Variants in BCAS3 observed in about 807,000 individuals in gnomAD.
The protein encoded by BCAS3 is BCAS3 microtubule associated cell migration factor, also known as BCAS4/BCAS3 fusion.
In BCAS3, 53 loss-of-function variants were observed where a neutral mutation model predicts 116.1. The observed-to-expected ratio is 0.46, with a 90% CI of 0.37 to 0.57. The LOEUF is 0.57. Among genes scored for constraint, BCAS3 ranks in the 20% least tolerant of loss-of-function variants. The pLI is 0.00. For missense variants in BCAS3, 917 were observed against 1,165.4 expected, an observed-to-expected ratio of 0.79 and a Z score of 3.10; for synonymous variants, 391 against 408.2, an observed-to-expected ratio of 0.96 and a Z score of 0.51.
chr17:61,387,457 G>T lies in BCAS3; in HGVS notation c.2594-4520G>T, dbSNP rs2059915489. Among the ~76,000 whole-genome samples the T allele has an allele frequency of 6.6e-6, 1 of 152,216 alleles. No individual in the cohort carries two copies. Among genetic ancestry groups the T allele is most frequent in the Non-Finnish European group, 1.5e-5 (1 of 68,038 alleles). ...TTGGATGGGCTCCATATGGAGTGGG[G>T]CAGCATGAGGATCCAGCTTGCTTTT... On this transcript the variant is annotated intron_variant, in intron 23 of 23. Transcript: ENST00000407086. This position sits in a 1 kb window ranked among gnomAD's most constrained non-coding sequence, Gnocchi z 6.2.
At chr17:60,911,590 G>A (rs548739858) in intron 12 of BCAS3, among the ~76,000 whole-genome samples, 3 of 152,214 alleles carry the variant, frequency 2.0e-5, no homozygotes, top group Admixed American at 2.0e-4. Context: ...GAGCCACCGC[G>A]CCCAGCCTTA....
rs2076670980 is a variant in BCAS3, at chr17:61,136,888, G to A, written c.2425+52324G>A. On this transcript the variant is annotated intron_variant, in intron 22 of 23. Transcript: ENST00000407086. The surrounding 1 kb of genome is among the most constrained non-coding windows in gnomAD (Gnocchi z 4.4). ...GTCCCCATTTAAGAACCACTACCCTGGAAACCAGCAGTAACCAGACCCTGG... is the reference window on the plus strand; with the variant it reads ...GTCCCCATTTAAGAACCACTACCCTAGAAACCAGCAGTAACCAGACCCTGG... Among the ~76,000 whole-genome samples the A allele has an allele frequency of 6.6e-6, 1 of 152,028 alleles. No individual in the cohort carries two copies. Among genetic ancestry groups the A allele is most frequent in the East Asian group, 1.9e-4 (1 of 5,184 alleles).
At chr17:60,693,859 T>C (rs1209068396) in intron 4 of BCAS3, among the ~76,000 whole-genome samples, 1 of 151,154 alleles carries the variant, frequency 6.6e-6, no homozygotes, top group Non-Finnish European at 1.5e-5. Flanking sequence ...GCATAAAATT[T>C]ACCATTTTAA....
At chr17:60,986,461 G>A (rs891940960) in intron 14 of BCAS3, among the ~76,000 whole-genome samples, 7 of 152,298 alleles carry the variant, frequency 4.6e-5, no homozygotes, top group African/African-American at 1.7e-4. Flanking sequence ...CCCACCAATA[G>A]TGTATGAGGG....
chr17:60,682,572 G>C (rs541003228), intron 2 of BCAS3, among the ~76,000 whole-genome samples: 2 of 152,198 alleles, frequency 1.3e-5, no homozygotes, highest in South Asian at 4.2e-4. Context: ...GCCCAAGCTG[G>C]AGTGCAGTGG....
Position 61,198,392 on chromosome 17 carries a change from G to A in BCAS3, c.2425+113828G>A, listed in dbSNP as rs1385850527. Among the ~76,000 whole-genome samples the A allele has an allele frequency of 1.3e-5, 2 of 152,034 alleles. No individual in the cohort carries two copies. Among genetic ancestry groups the A allele is most frequent in the African/African-American group, 2.4e-5 (1 of 41,372 alleles). On this transcript the variant is annotated intron_variant, in intron 22 of 23. Transcript: ENST00000407086. This position sits in a 1 kb window ranked among gnomAD's most constrained non-coding sequence, Gnocchi z 5.0. Reference sequence around the variant, plus strand: ...CCTGACCTCGTGATCCACCCGCCTCGGACTCCCAAAGTGCTGGGATTACAG... The same window carrying A: ...CCTGACCTCGTGATCCACCCGCCTCAGACTCCCAAAGTGCTGGGATTACAG...
intron 14 of BCAS3, among the ~76,000 whole-genome samples, chr17:60,954,790 T>C (rs1444377242): frequency 1.3e-5 from 2 of 152,194 alleles, no homozygotes; most frequent in East Asian, 3.8e-4. Context: ...TTGAGGGTAA[T>C]AAGGATTATT....
Position 61,388,709 on chromosome 17 carries a change from G to GT in BCAS3, c.2594-3267dup. 1 of 1,548,784 alleles carries GT rather than the reference G, an allele frequency of 6.5e-7. No homozygotes were observed. The highest frequency in any genetic ancestry group is 8.7e-7 in the Non-Finnish European group (1 of 1,154,788). The stretch of plus-strand genomic sequence containing the variant: ...AAGCATGCGTTCGGGATGGAGGAAG[G>GT]TAAGGCCACACGTTTCCATTTGCCG... On this transcript the variant is annotated intron_variant, in intron 23 of 23. Coordinates refer to ENST00000407086, the MANE Select transcript of BCAS3 (RefSeq NM_017679.5). This position sits in a 1 kb window ranked among gnomAD's most constrained non-coding sequence, Gnocchi z 6.5.
rs73993413 is a variant in BCAS3 at position 61,261,828 on chromosome 17, A to T, written c.2426-106499A>T. Among the ~76,000 whole-genome samples the T allele has an allele frequency of 6.1e-3, 936 of 152,256 alleles. 6 individuals carry two copies. Among genetic ancestry groups the T allele is most frequent in the African/African-American group, 0.022 (897 of 41,548 alleles). The stretch of plus-strand genomic sequence containing the variant: ...TCCAGGGCGCATAGCAATAACGTGA[A>T]TTTTTTTGTCTAGTATGACTCCTGC... On this transcript the variant is annotated intron_variant, in intron 22 of 23. Transcript: ENST00000407086. This position sits in a 1 kb window ranked among gnomAD's most constrained non-coding sequence, Gnocchi z 4.4.
At chr17:60,793,377 G>A (rs370483378) in intron 6 of BCAS3, among the ~76,000 whole-genome samples, 3 of 152,176 alleles carry the variant, frequency 2.0e-5, no homozygotes, top group Admixed American at 6.5e-5. Context: ...TTACAGGTGT[G>A]AGCCACCGTG....
rs1260702816 is a variant in BCAS3 at position 61,200,866 on chromosome 17, A to T, written c.2425+116302A>T. On this transcript the variant is annotated intron_variant, in intron 22 of 23. Coordinates refer to ENST00000407086, the MANE Select transcript of BCAS3 (RefSeq NM_017679.5). This position sits in a 1 kb window ranked among gnomAD's most constrained non-coding sequence, Gnocchi z 5.1. ...ACCTTTCCTCTTTCCTGCCTCATCC[A>T]AACAGTCTCCATTAGAAATAATAAA... 6.6e-6 allele frequency among the ~76,000 whole-genome samples: 1 copy of T among 152,174 alleles called. No homozygotes were observed. Among genetic ancestry groups the T allele is most frequent in the South Asian group, 2.1e-4 (1 of 4,824 alleles).
chr17:61,014,152 G>C (rs754988331), intron 15 of BCAS3, among the ~76,000 whole-genome samples: 2 of 151,910 alleles, frequency 1.3e-5, no homozygotes, highest in African/African-American at 2.4e-5. Context: ...ACATAAATGG[G>C]GTTGATAATT....
chr17:61,127,867 A>G (rs1289342511), intron 22 of BCAS3, among the ~76,000 whole-genome samples: 4 of 151,686 alleles, frequency 2.6e-5, no homozygotes, highest in Non-Finnish European at 5.9e-5. Flanking sequence ...TAATACATAT[A>G]CACACGAATG....
At chr17:61,272,636 CAAAAAAAAAAAAAA>C (rs373837874) in intron 22 of BCAS3, among the ~76,000 whole-genome samples, 6,573 of 47,524 alleles carry the variant, frequency 0.14, 304 homozygotes, top group Middle Eastern at 0.22. Context: ...AACCCTGTCT[CAAAAAAAAAAAAAA>C]AAAAAAAAAA....
chr17:60,794,943 G>C lies in BCAS3; in HGVS notation c.404-13061G>C, dbSNP rs567546076. Among the ~76,000 whole-genome samples, 5 of 152,270 alleles carry C rather than the reference G, an allele frequency of 3.3e-5. No individual in the cohort carries two copies. The South Asian group carries it at 1.0e-3, about 32-fold the overall frequency. On this transcript the variant is annotated intron_variant, in intron 6 of 23. Coordinates refer to ENST00000407086, the MANE Select transcript of BCAS3 (RefSeq NM_017679.5). ...TGTTTTTTCTAATTCTGTGAAGAGT[G>C]ATGGTGGTATTTTGATGGGGATTGC... is the stretch of plus-strand genomic sequence containing the variant.
rs1044631909 is a variant in BCAS3 at position 61,004,367 on chromosome 17, TG to T, written c.1487-11383del. Reference sequence around the variant, plus strand: ...TACTTATCAAAAGGAAGATCTGAAATGTTTTTTTTTTTTAATTTGGAGAAAA... The same window carrying T: ...TACTTATCAAAAGGAAGATCTGAAATTTTTTTTTTTTTAATTTGGAGAAAA... On this transcript the variant is annotated intron_variant, in intron 15 of 23. Coordinates refer to ENST00000407086, the MANE Select transcript of BCAS3 (RefSeq NM_017679.5). This position sits in a 1 kb window ranked among gnomAD's most constrained non-coding sequence, Gnocchi z 4.8. Among the ~76,000 whole-genome samples the T allele has an allele frequency of 4.2e-4, 64 of 151,796 alleles. No homozygotes were observed. The highest frequency in any genetic ancestry group is 1.4e-3 in the Admixed American group (21 of 15,206).
rs552976632 is a variant in BCAS3, at chr17:60,686,077, C to G, written c.138+2041C>G. 1.1e-3 allele frequency among the ~76,000 whole-genome samples: 164 copies of G among 152,038 alleles called. 1 individual carries two copies. The highest frequency in any genetic ancestry group is 3.8e-3 in the African/African-American group (157 of 41,460). On this transcript the variant is annotated intron_variant, in intron 3 of 23. Transcript: ENST00000407086. The stretch of plus-strand genomic sequence containing the variant: ...TAGAGACGGGGTTTCACTGTGTTAG[C>G]TAGGATGGTCTCCATCTCCTGACCT...
intron 10 of BCAS3, among the ~76,000 whole-genome samples, chr17:60,897,502 C>A (rs1286330704): frequency 1.3e-5 from 2 of 152,124 alleles, no homozygotes; most frequent in African/African-American, 4.8e-5. Flanking sequence ...AATGTGCTTT[C>A]AAATTTTTTC....
Position 60,744,709 on chromosome 17 carries a change from C to T in BCAS3, c.322-2489C>T, listed in dbSNP as rs191033426. On this transcript the variant is annotated intron_variant, in intron 5 of 23. Coordinates refer to ENST00000407086, the MANE Select transcript of BCAS3 (RefSeq NM_017679.5). ...TTTCCTCTGCTCCCCCCAACCCCCA[C>T]CCCCGAGTTATAATTAAACACAGAT... is the stretch of plus-strand genomic sequence containing the variant. Among the ~76,000 whole-genome samples the T allele has an allele frequency of 1.1e-3, 167 of 151,248 alleles. No individual in the cohort carries two copies. The East Asian group carries it at 0.012, about 11-fold the overall frequency.
Sources: allele counts gnomAD v4.1 joint callset (sites outside exome capture counted in the v4.1 genomes callset), GRCh38; gene constraint gnomAD v4.1.1; non-coding constraint Gnocchi (gnomAD v3.1); transcripts MANE v1.5; gene names NCBI Gene and HGNC (gene_info 2026-07-23, HGNC 2026-07-21).